SLC24A2: variants seen among roughly 807,000 people sequenced by gnomAD.
SLC24A2 encodes sodium/potassium/calcium exchanger 2.
SLC24A2 carries 36 observed loss-of-function variants against 62.0 expected under a neutral mutation model. The observed-to-expected ratio is 0.58, with a 90% confidence interval of 0.44 to 0.77. SLC24A2 has a LOEUF of 0.77. Among genes scored for constraint, SLC24A2 ranks in the 30% least tolerant of loss-of-function variants. SLC24A2 has a pLI of 0.00. For synonymous variants in SLC24A2, 358 were observed against 294.0 expected (o/e 1.22, Z -2.23); for missense variants, 846 against 817.9 (o/e 1.03, Z -0.42).
chr9:19,965,698 C>A, the SLC24A2 span, among the ~76,000 whole-genome samples: 3 of 152,102 alleles, frequency 2.0e-5, no homozygotes, highest in Admixed American at 1.3e-4. Flanking sequence ...TCACAGATGA[C>A]CAAGAACCTA....
the SLC24A2 span, among the ~76,000 whole-genome samples, chr9:20,021,310 T>TTA: frequency 6.6e-6 from 1 of 151,912 alleles, no homozygotes; most frequent in African/African-American, 2.4e-5. Context: ...TTTTCCTTCT[T>TTA]TATATATTAA....
chr9:19,659,730 G>A (rs1202970143), intron 2 of SLC24A2, among the ~76,000 whole-genome samples: 1 of 152,098 alleles, frequency 6.6e-6, no homozygotes, highest in Admixed American at 6.6e-5. Context: ...GTGTTAACTG[G>A]CAGAGCTGTG....
intron 1 of SLC24A2, chr9:19,788,567 G>A: frequency 2.0e-6 from 2 of 985,428 alleles, no homozygotes; most frequent in Non-Finnish European, 2.4e-6. Context: ...TTGGTGAGGC[G>A]CTTGGCCCGC....
the SLC24A2 span, among the ~76,000 whole-genome samples, chr9:20,017,469 T>C: frequency 1.3e-5 from 2 of 152,194 alleles, no homozygotes; most frequent in Admixed American, 1.3e-4. Flanking sequence ...GAGTGTGTAT[T>C]AGTCAGGGTT....
chr9:19,615,587 G>A (rs1364619217), intron 4 of SLC24A2, among the ~76,000 whole-genome samples: 1 of 152,196 alleles, frequency 6.6e-6, no homozygotes, highest in African/African-American at 2.4e-5. Flanking sequence ...CAATTTTAAA[G>A]CATTGAAGTG....
intron 2 of SLC24A2, among the ~76,000 whole-genome samples, chr9:19,692,481 G>T (rs13285763): frequency 0.19 from 28,380 of 151,876 alleles, 2,863 homozygotes; most frequent in Middle Eastern, 0.24. Context: ...GTTTTTTTTG[G>T]TCTTTAAATT....
At chr9:19,531,638 A>C (rs961484265) in intron 8 of SLC24A2, among the ~76,000 whole-genome samples, 1 of 152,050 alleles carries the variant, frequency 6.6e-6, no homozygotes, top group African/African-American at 2.4e-5. Flanking sequence ...AATTCAACAA[A>C]TATTCACTCA....
intron 2 of SLC24A2, among the ~76,000 whole-genome samples, chr9:19,770,792 G>C (rs1298069935): frequency 6.6e-6 from 1 of 152,212 alleles, no homozygotes; most frequent in East Asian, 1.9e-4. Flanking sequence ...TCCCAGGACT[G>C]ATGAGGTTAA....
At chr9:20,272,616 C>A in the SLC24A2 span, among the ~76,000 whole-genome samples, 2 of 152,156 alleles carry the variant, frequency 1.3e-5, no homozygotes, top group Non-Finnish European at 2.9e-5. Flanking sequence ...TGTAGTATAA[C>A]TCTCATATAA....
chr9:19,730,024 T>TA (rs1036044151), intron 2 of SLC24A2, among the ~76,000 whole-genome samples: 27 of 150,886 alleles, frequency 1.8e-4, no homozygotes, highest in South Asian at 8.4e-4. Context: ...AACGTAAAAT[T>TA]AAAAAAAAAT....
intron 2 of SLC24A2, among the ~76,000 whole-genome samples, chr9:19,627,423 G>A (rs2117955880): frequency 6.6e-6 from 1 of 152,276 alleles, no homozygotes; most frequent in African/African-American, 2.4e-5. Context: ...TTTGGAATAT[G>A]GAATACTCAG....
the SLC24A2 span, among the ~76,000 whole-genome samples, chr9:20,249,298 T>C: frequency 6.6e-6 from 1 of 152,220 alleles, no homozygotes; most frequent in Non-Finnish European, 1.5e-5. Context: ...AGCTCTGCCA[T>C]TGTATAACTG....
the SLC24A2 span, among the ~76,000 whole-genome samples, chr9:20,049,243 C>G: frequency 2.4e-4 from 37 of 152,250 alleles, no homozygotes; most frequent in African/African-American, 8.2e-4. Flanking sequence ...GTTATTGTAC[C>G]AGAACCATCA....
At chr9:19,724,830 G>T (rs1310168395) in intron 2 of SLC24A2, among the ~76,000 whole-genome samples, 3 of 152,042 alleles carry the variant, frequency 2.0e-5, no homozygotes, top group Non-Finnish European at 4.4e-5. Flanking sequence ...AACCAATAAG[G>T]CGTATTTCAA....
chr9:20,166,058 GAC>G, the SLC24A2 span, among the ~76,000 whole-genome samples: 1 of 151,940 alleles, frequency 6.6e-6, no homozygotes, highest in Admixed American at 6.6e-5. Context: ...TTATAAGATT[GAC>G]ACAATTCAAA....
At chr9:19,993,031 C>A in the SLC24A2 span, among the ~76,000 whole-genome samples, 4 of 152,054 alleles carry the variant, frequency 2.6e-5, no homozygotes, top group Non-Finnish European at 4.4e-5. Context: ...AAACCTTAAC[C>A]CATAGAGAGA....
intron 2 of SLC24A2, among the ~76,000 whole-genome samples, chr9:19,781,726 A>C (rs1035984816): frequency 2.0e-5 from 3 of 152,204 alleles, no homozygotes; most frequent in Non-Finnish European, 4.4e-5. Context: ...TAGTTTCCAA[A>C]TCTATCAAGT....
the SLC24A2 span, among the ~76,000 whole-genome samples, chr9:20,240,434 C>A: frequency 6.6e-6 from 1 of 152,088 alleles, no homozygotes; most frequent in Admixed American, 6.5e-5. Flanking sequence ...CAAGACTCTT[C>A]TCTCAATTTC....
chr9:19,754,291 A>G (rs954556370), intron 2 of SLC24A2, among the ~76,000 whole-genome samples: 2 of 152,074 alleles, frequency 1.3e-5, no homozygotes, highest in African/African-American at 4.8e-5. Context: ...TCCTGAAGCC[A>G]CCCGTCTATC....
Sources: allele counts gnomAD v4.1 joint callset (sites outside exome capture counted in the v4.1 genomes callset), GRCh38; gene constraint gnomAD v4.1.1; transcripts MANE v1.5; gene names NCBI Gene and HGNC (gene_info 2026-07-23, HGNC 2026-07-21).